The following COG3 variants were observed in gnomAD, a reference collection of about 807,000 sequenced individuals.
COG3 encodes component of oligomeric golgi complex 3.
A neutral mutation model predicts 114.1 loss-of-function variants in COG3; 32 were observed. That is an observed-to-expected ratio of 0.28 (90% CI 0.21 to 0.38). The LOEUF (loss-of-function observed/expected upper bound fraction) is 0.38. COG3 is among the 10% of genes least tolerant of loss of function. The pLI, the probability that COG3 is intolerant of heterozygous loss-of-function variation, is 1.00. For missense variants in COG3, 813 were observed against 973.2 expected (o/e 0.84, Z 2.19); for synonymous variants, 352 against 365.7 (o/e 0.96, Z 0.43).
rs533383931 is a variant in COG3, at chr13:45,490,823, T to C, written c.925-92T>C. Reference sequence around the variant, plus strand: ...TTAACTTTCTTATATTTACAGTTTTTCTGAATATGTGATACAATTAATATT... The same window carrying C: ...TTAACTTTCTTATATTTACAGTTTTCCTGAATATGTGATACAATTAATATT... On this transcript the variant is annotated intron_variant, in intron 8 of 22. Transcript: ENST00000349995. 1.5e-5 allele frequency: 9 copies of C among 608,390 alleles called. No homozygotes were observed. The South Asian group carries it at 3.2e-4, about 22-fold the overall frequency. 37.7% of individuals were successfully genotyped at this position (608,390 alleles called of 1,614,324 possible).
chr13:45,472,452 C>T (rs1244447080), intron 1 of COG3, among the ~76,000 whole-genome samples: 2 of 152,112 alleles, frequency 1.3e-5, no homozygotes, highest in Non-Finnish European at 2.9e-5. Context: ...CTTTTGGGAT[C>T]CCATTTCATG....
chr13:45,476,062 T>C, intron 1 of COG3, 139 bp from the exon 2 acceptor site: 1 of 734,170 alleles, frequency 1.4e-6, no homozygotes, highest in Non-Finnish European at 2.3e-6. Flanking sequence ...TAGTACTATA[T>C]AGTATTTATT....
At position 45,518,851 on chromosome 13, in the gene COG3, G is replaced by T. The variant is rs760286553; in HGVS notation, c.2019+1G>T. The T allele has an allele frequency of 7.4e-6, 12 of 1,612,926 alleles. No homozygotes were observed. ...TGCCTTGATAGAGTTCTTGTTGGAG[G>T]TGAGAAGGAGTCTGTTTCATTGGTG... On this transcript the variant is annotated splice_donor_variant, in intron 18 of 22. Coordinates refer to ENST00000349995, the MANE Select transcript of COG3 (RefSeq NM_031431.4). LOFTEE classifies it high-confidence loss of function.
chr13:45,520,298 A>AT (rs1232709681), intron 19 of COG3, among the ~76,000 whole-genome samples: 6 of 72,742 alleles, frequency 8.2e-5, no homozygotes, highest in South Asian at 1.1e-3. Context: ...AAAAAAAATA[A>AT]AAATAAAAAT....
chr13:45,477,090 A>G (rs1359189394), intron 2 of COG3, among the ~76,000 whole-genome samples: 2 of 152,226 alleles, frequency 1.3e-5, no homozygotes, highest in African/African-American at 4.8e-5. Context: ...TTCCTAATAT[A>G]TAAAACAGGG....
At chr13:45,521,054 C>T (rs142100616) in intron 19 of COG3, among the ~76,000 whole-genome samples, 2 of 152,254 alleles carry the variant, frequency 1.3e-5, no homozygotes, top group East Asian at 1.9e-4. Flanking sequence ...AAAATTTACA[C>T]GTGCCCATAG....
chr13:45,473,984 G>A (rs540124484), intron 1 of COG3, among the ~76,000 whole-genome samples: 1 of 152,270 alleles, frequency 6.6e-6, no homozygotes, highest in East Asian at 1.9e-4. Context: ...ATGAACAAGT[G>A]ATGCCCTTAA....
intron 13 of COG3, among the ~76,000 whole-genome samples, chr13:45,496,564 T>A (rs1035183947): frequency 1.2e-4 from 19 of 152,068 alleles, no homozygotes; most frequent in African/African-American, 4.3e-4. Context: ...TTTTAATTCT[T>A]CCTCAAAATG....
intron 1 of COG3, among the ~76,000 whole-genome samples, chr13:45,473,589 G>T (rs1429626928): frequency 6.6e-6 from 1 of 152,104 alleles, no homozygotes; most frequent in Admixed American, 6.5e-5. Flanking sequence ...AAGTTGATTA[G>T]ATTTATAAAC....
intron 16 of COG3, among the ~76,000 whole-genome samples, chr13:45,512,740 G>C: frequency 6.6e-6 from 1 of 151,802 alleles, no homozygotes; most frequent in Non-Finnish European, 1.5e-5. Flanking sequence ...CAATTCTCCT[G>C]CTTCAGCTTC....
At chr13:45,510,562 C>A (rs554598485) in intron 15 of COG3, among the ~76,000 whole-genome samples, 1 of 152,292 alleles carries the variant, frequency 6.6e-6, no homozygotes, top group African/African-American at 2.4e-5. Context: ...GGAAAATACG[C>A]AGGAGGCATA....
chr13:45,520,876 T>G (rs1054196449), intron 19 of COG3, among the ~76,000 whole-genome samples: 2 of 152,232 alleles, frequency 1.3e-5, no homozygotes, highest in Non-Finnish European at 2.9e-5. Context: ...TAGTGTATAT[T>G]TCTGGGAGAA....
chr13:45,516,378 T>C (rs1276428976), intron 17 of COG3, 115 bp downstream of exon 17: 1 of 863,516 alleles, frequency 1.2e-6, no homozygotes, highest in Non-Finnish European at 1.6e-6. Flanking sequence ...CTTTGCTTGC[T>C]AAATATGTTA....
At chr13:45,471,913 A>T (rs981709138) in intron 1 of COG3, among the ~76,000 whole-genome samples, 1 of 152,034 alleles carries the variant, frequency 6.6e-6, no homozygotes, top group Non-Finnish European at 1.5e-5. Flanking sequence ...TTGTATTTTT[A>T]GTAGAGACAG....
intron 22 of COG3, 185 bp downstream of exon 22, chr13:45,530,965 AT>A (rs1196002954): frequency 1.0e-6 from 1 of 983,630 alleles, no homozygotes; most frequent in Non-Finnish European, 1.2e-6. Flanking sequence ...TAGTTTTAGA[AT>A]TTTCAGTTAA....
intron 1 of COG3, among the ~76,000 whole-genome samples, chr13:45,470,372 C>T (rs1160780047): frequency 1.3e-5 from 2 of 152,124 alleles, no homozygotes; most frequent in African/African-American, 4.8e-5. Context: ...ATTACCTATT[C>T]AAATAAATAC....
chr13:45,486,412 A>G, intron 7 of COG3, 83 bp from the exon 8 acceptor site: 1 of 836,170 alleles, frequency 1.2e-6, no homozygotes, highest in African/African-American at 1.7e-5. Context: ...AGCAGTAGCC[A>G]TAGGAAATGG....
intron 14 of COG3, among the ~76,000 whole-genome samples, chr13:45,506,575 G>A (rs545595004): frequency 1.3e-4 from 20 of 152,310 alleles, no homozygotes; most frequent in African/African-American, 4.3e-4. Flanking sequence ...TGCCCCTGGG[G>A]TAGGGGTGTG....
intron 14 of COG3, among the ~76,000 whole-genome samples, chr13:45,503,609 A>G (rs1327968625): frequency 6.6e-6 from 1 of 152,090 alleles, no homozygotes; most frequent in East Asian, 1.9e-4. Context: ...AGGTGGGCTC[A>G]GTGTGGGGTG....
Sources: allele counts gnomAD v4.1 joint callset (sites outside exome capture counted in the v4.1 genomes callset), GRCh38; gene constraint gnomAD v4.1.1; transcripts MANE v1.5; gene names NCBI Gene and HGNC (gene_info 2026-07-23, HGNC 2026-07-21).